NXPE2: variants seen among roughly 807,000 people sequenced by gnomAD.
NXPE2 encodes neurexophilin and PC-esterase domain family member 2, also known as NXPE family member 2.
NXPE2 carries 34 observed loss-of-function variants against 34.4 expected under a neutral mutation model. That is an observed-to-expected ratio of 0.99 (90% CI 0.75 to 1.31). The LOEUF is 1.31. Among genes scored for constraint, NXPE2 ranks in the 40% most tolerant of loss-of-function variants. The pLI is 0.00. For synonymous variants in NXPE2, 235 were observed against 231.3 expected (o/e 1.02, Z -0.15); for missense variants, 649 against 672.5 (o/e 0.97, Z 0.39).
the NXPE2 span, among the ~76,000 whole-genome samples, chr11:114,760,017 T>C: frequency 1.3e-5 from 2 of 152,144 alleles, no homozygotes; most frequent in African/African-American, 4.8e-5. Context: ...TTTTTTTTCA[T>C]GGCGCTTCTA....
chr11:114,530,490 T>G, the NXPE2 span: 1 of 1,613,956 alleles, frequency 6.2e-7, no homozygotes, highest in Non-Finnish European at 8.5e-7. Flanking sequence ...GACCTGGCCC[T>G]CCCAGAACAG....
chr11:114,735,990 T>C, the NXPE2 span, among the ~76,000 whole-genome samples: 17 of 152,232 alleles, frequency 1.1e-4, no homozygotes, highest in African/African-American at 4.1e-4. Flanking sequence ...AGACATCACA[T>C]GTCAGTAGGT....
chr11:114,762,699 C>A, the NXPE2 span, among the ~76,000 whole-genome samples: 1 of 152,140 alleles, frequency 6.6e-6, no homozygotes. Flanking sequence ...TCCCTGGACA[C>A]CTTTGAAACA....
At chr11:114,517,863 T>G in the NXPE2 span, 1 of 152,272 alleles carries the variant, frequency 6.6e-6, no homozygotes, top group Non-Finnish European at 1.5e-5. Flanking sequence ...GCTGCACCCC[T>G]GGTGGCTCTG....
At chr11:114,564,502 G>A in the NXPE2 span, among the ~76,000 whole-genome samples, 1 of 152,160 alleles carries the variant, frequency 6.6e-6, no homozygotes, top group Non-Finnish European at 1.5e-5. Context: ...TGATTTAATT[G>A]TAGTGTTATA....
the NXPE2 span, among the ~76,000 whole-genome samples, chr11:114,490,729 G>C: frequency 3.3e-5 from 5 of 152,136 alleles, no homozygotes; most frequent in African/African-American, 1.2e-4. Context: ...TTAAATGTTA[G>C]ACCTAAAACC....
the NXPE2 span, among the ~76,000 whole-genome samples, chr11:114,602,090 T>A: frequency 1.0e-5 from 1 of 98,306 alleles, no homozygotes; most frequent in East Asian, 3.1e-4. Flanking sequence ...TTTTATTATA[T>A]ATAACATATA....
chr11:114,808,302 A>T, the NXPE2 span, among the ~76,000 whole-genome samples: 1 of 151,958 alleles, frequency 6.6e-6, no homozygotes, highest in African/African-American at 2.4e-5. Context: ...GCAAGAGCAA[A>T]CACATTCAAA....
chr11:114,552,649 T>C, the NXPE2 span, among the ~76,000 whole-genome samples: 1 of 152,148 alleles, frequency 6.6e-6, no homozygotes, highest in Non-Finnish European at 1.5e-5. Context: ...CCAGGTTTTC[T>C]GACTTTTAAG....
At chr11:114,634,072 T>C in the NXPE2 span, among the ~76,000 whole-genome samples, 101,463 of 150,776 alleles carry the variant, frequency 0.67, 34,525 homozygotes, top group African/African-American at 0.75. Context: ...AGTTTACAGT[T>C]CCACCAACAG....
chr11:114,475,835 T>G, the NXPE2 span, among the ~76,000 whole-genome samples: 1,979 of 152,312 alleles, frequency 0.013, 47 homozygotes, highest in African/African-American at 0.046. Flanking sequence ...AAATGTCACT[T>G]GGATTTATTA....
At chr11:114,537,161 C>G in the NXPE2 span, among the ~76,000 whole-genome samples, 1,825 of 152,204 alleles carry the variant, frequency 0.012, 19 homozygotes, top group South Asian at 0.073. Context: ...AGCATATAAA[C>G]AGAACCAAAG....
At chr11:114,576,278 G>A in the NXPE2 span, among the ~76,000 whole-genome samples, 3 of 152,102 alleles carry the variant, frequency 2.0e-5, no homozygotes, top group Non-Finnish European at 4.4e-5. Flanking sequence ...AACCCTTCTA[G>A]ACACTGGCTT....
chr11:114,583,614 C>A, the NXPE2 span: 1 of 594,078 alleles, frequency 1.7e-6, no homozygotes, highest in Non-Finnish European at 3.3e-6. Flanking sequence ...GTGGCAAGTG[C>A]TGTGAAACTT....
the NXPE2 span, among the ~76,000 whole-genome samples, chr11:114,464,478 C>T: frequency 6.6e-6 from 1 of 152,084 alleles, no homozygotes; most frequent in Non-Finnish European, 1.5e-5. Flanking sequence ...ATGATATTTT[C>T]ACATTACTTT....
the NXPE2 span, among the ~76,000 whole-genome samples, chr11:114,649,515 A>C: frequency 6.6e-6 from 1 of 152,256 alleles, no homozygotes; most frequent in Non-Finnish European, 1.5e-5. Flanking sequence ...CACTTGATTG[A>C]AATTGCCAGA....
chr11:114,620,602 C>A, the NXPE2 span, among the ~76,000 whole-genome samples: 18 of 151,904 alleles, frequency 1.2e-4, no homozygotes, highest in Non-Finnish European at 2.9e-5. Context: ...AGGGTAACCA[C>A]TGTTACGCGG....
chr11:114,509,428 C>T, the NXPE2 span, among the ~76,000 whole-genome samples: 1 of 152,066 alleles, frequency 6.6e-6, no homozygotes, highest in Non-Finnish European at 1.5e-5. Flanking sequence ...TGGGTGTATA[C>T]CCAAAGGAAT....
intron 2 of NXPE2, among the ~76,000 whole-genome samples, chr11:114,691,490 G>A (rs950304177): frequency 8.5e-5 from 13 of 152,128 alleles, no homozygotes; most frequent in African/African-American, 3.1e-4. Context: ...TGGCAGCTAG[G>A]GGCAGGGGCA....
Sources: allele counts gnomAD v4.1 joint callset (sites outside exome capture counted in the v4.1 genomes callset), GRCh38; gene constraint gnomAD v4.1.1; transcripts MANE v1.5; gene names NCBI Gene and HGNC (gene_info 2026-07-23, HGNC 2026-07-21).